The following KCNIP1 variants were observed in gnomAD, a reference collection of about 807,000 sequenced individuals.
KCNIP1 encodes the protein A-type potassium channel modulatory protein KCNIP1.
A neutral mutation model predicts 33.0 loss-of-function variants in KCNIP1; 18 were observed. The ratio of observed to expected loss-of-function variants is 0.55; its 90% CI spans 0.38 to 0.81. The LOEUF is 0.81. KCNIP1 is among the 30% of genes least tolerant of loss of function. The probability of loss-of-function intolerance (pLI) is 0.00; values close to 1 mark genes in which losing one functional copy is unlikely to be tolerated. For missense variants in KCNIP1, 238 were observed against 271.6 expected, an observed-to-expected ratio of 0.88 and a Z score of 0.87; for synonymous variants, 93 against 98.3, an observed-to-expected ratio of 0.95 and a Z score of 0.32.
intron 1 of KCNIP1, among the ~76,000 whole-genome samples, chr5:170,685,153 T>TA (rs1762499582): frequency 6.6e-6 from 1 of 151,960 alleles, no homozygotes; most frequent in Admixed American, 6.6e-5. Flanking sequence ...CCCTAAGACT[T>TA]TTCTGTTTGT....
intron 1 of KCNIP1, among the ~76,000 whole-genome samples, chr5:170,359,655 C>T (rs1763448661): frequency 6.6e-6 from 1 of 152,152 alleles, no homozygotes; most frequent in Admixed American, 6.5e-5. Flanking sequence ...CCTACCTCTC[C>T]AGCCCCAAGC....
At chr5:170,375,758 G>A in intron 1 of KCNIP1, 1 of 152,252 alleles carries the variant, frequency 6.6e-6, no homozygotes, top group East Asian at 1.9e-4. Context: ...GTTTTTCATA[G>A]TAACTTAGAT....
At chr5:170,602,517 T>G (rs1245765432) in intron 1 of KCNIP1, among the ~76,000 whole-genome samples, 1 of 152,224 alleles carries the variant, frequency 6.6e-6, no homozygotes, top group Non-Finnish European at 1.5e-5. Flanking sequence ...CTGCCTGCCG[T>G]GCAGTTTGTG....
At chr5:170,530,915 G>A (rs912927079) in intron 1 of KCNIP1, among the ~76,000 whole-genome samples, 1 of 152,154 alleles carries the variant, frequency 6.6e-6, no homozygotes, top group Non-Finnish European at 1.5e-5. Flanking sequence ...GGTCTTTCCT[G>A]CAGAGGCCTC....
rs1391537185 is a variant in KCNIP1 at position 170,367,396 on chromosome 5, AGAAAGAAAGAAAGAAAGAAAGAAAG to A, written c.88+13450_88+13474del. ...AAGAAAGAAAGAAAGAAAGAAAGAA[AGAAAGAAAGAAAGAAAGAAAGAAAG>A]GAAAGAAAGAAAGAAAGGAAAGAAA... On this transcript the variant is annotated intron_variant, in intron 1 of 7. Transcript: ENST00000377360. 6.2e-3 allele frequency among the ~76,000 whole-genome samples: 799 copies of A among 129,198 alleles called. 25 individuals are homozygous for A. The highest frequency in any genetic ancestry group is 0.013 in the African/African-American group (403 of 32,068). The allele number at this position is 129,198 out of a possible 152,430, so 84.8% of individuals were successfully genotyped here.
chr5:170,456,691 C>CTTTT (rs1756383445), intron 1 of KCNIP1, among the ~76,000 whole-genome samples: 1 of 103,124 alleles, frequency 9.7e-6, no homozygotes, highest in African/African-American at 4.0e-5. Context: ...TTCTTTCTCT[C>CTTTT]TCTCTCTCTT....
In KCNIP1 at chr5:170,552,304, G is replaced by C. The variant is rs115581510; in HGVS notation, c.61+47671G>C. On this transcript the variant is annotated intron_variant, in intron 1 of 7. Coordinates refer to ENST00000328939, the MANE Select transcript of KCNIP1 (RefSeq NM_014592.4). ...ACAGGGCTGGGAGCTGGGGAATAAA[G>C]AGCTGACCCAAACAGCAGAACCAGT... is the stretch of plus-strand genomic sequence containing the variant. Among the ~76,000 whole-genome samples the C allele has an allele frequency of 9.9e-3, 1,502 of 152,298 alleles. 30 individuals are homozygous for C. The highest frequency in any genetic ancestry group is 0.033 in the African/African-American group (1,381 of 41,560).
At position 170,647,392 on chromosome 5, in the gene KCNIP1, A is replaced by G. The variant is rs1409591825; in HGVS notation, c.62-71366A>G. ...TCAAGACTAACTCTAAAGCCATGATAATAAAGACACTGTGGTATGGGTGAA... is the reference window on the plus strand; with the variant it reads ...TCAAGACTAACTCTAAAGCCATGATGATAAAGACACTGTGGTATGGGTGAA... On this transcript the variant is annotated intron_variant, in intron 1 of 7. Coordinates refer to ENST00000328939, the MANE Select transcript of KCNIP1 (RefSeq NM_014592.4). 3.9e-5 allele frequency among the ~76,000 whole-genome samples: 6 copies of G among 152,302 alleles called. No homozygotes were observed. The East Asian group carries it at 1.2e-3, about 29-fold the overall frequency.
rs374135017 is a variant in KCNIP1 at position 170,661,280 on chromosome 5, T to G, written c.62-57478T>G. ...GGGGTCTGTGTGTTCCCCTGTGGTG[T>G]GTGTGGGGACACGTGAGTATGTGTT... On this transcript the variant is annotated intron_variant, in intron 1 of 7. Coordinates refer to ENST00000328939, the MANE Select transcript of KCNIP1 (RefSeq NM_014592.4). Among the ~76,000 whole-genome samples the G allele has an allele frequency of 1.0e-3, 153 of 152,318 alleles. 1 individual carries two copies. The highest frequency in any genetic ancestry group is 3.5e-3 in the African/African-American group (147 of 41,572).
At chr5:170,518,553 C>T (rs1284304598) in intron 1 of KCNIP1, among the ~76,000 whole-genome samples, 1 of 152,180 alleles carries the variant, frequency 6.6e-6, no homozygotes, top group Admixed American at 6.5e-5. Context: ...AGGCTGTTCT[C>T]TTGGATGAAC....
chr5:170,434,991 C>T (rs560845369), intron 1 of KCNIP1, among the ~76,000 whole-genome samples: 9 of 152,274 alleles, frequency 5.9e-5, no homozygotes, highest in Non-Finnish European at 1.2e-4. Context: ...TGGAAGGGAA[C>T]GCCCAGCTCT....
chr5:170,466,096 T>C (rs1214528421), intron 1 of KCNIP1, among the ~76,000 whole-genome samples: 1 of 152,110 alleles, frequency 6.6e-6, no homozygotes, highest in African/African-American at 2.4e-5. Context: ...GAGGCTCAAA[T>C]TGAGAAGAAG....
At chr5:170,727,153 T>C (rs1480597385) in intron 5 of KCNIP1, among the ~76,000 whole-genome samples, 1 of 152,224 alleles carries the variant, frequency 6.6e-6, no homozygotes, top group Non-Finnish European at 1.5e-5. Context: ...CATGCAGCAA[T>C]GTGTATGAAG....
chr5:170,388,294 G>A lies in KCNIP1; in HGVS notation c.88+34330G>A, dbSNP rs1764568722. ...TAAATCCTCCTAAGACCATGCGTGG[G>A]GTTCAGTGTAGATATGACTTCAGCA... On this transcript the variant is annotated intron_variant, in intron 1 of 7. Transcript: ENST00000377360. Among the ~76,000 whole-genome samples, 4 of 152,306 alleles carry A rather than the reference G, an allele frequency of 2.6e-5. No individual in the cohort carries two copies. In the South Asian group the frequency reaches 8.3e-4, roughly 32 times the overall value.
chr5:170,472,392 G>C (rs1756752352), intron 1 of KCNIP1, among the ~76,000 whole-genome samples: 1 of 152,118 alleles, frequency 6.6e-6, no homozygotes, highest in Non-Finnish European at 1.5e-5. Flanking sequence ...GGTGAAATTG[G>C]GGGTCTCTGA....
intron 1 of KCNIP1, among the ~76,000 whole-genome samples, chr5:170,507,258 G>C (rs1400431766): frequency 1.3e-5 from 2 of 152,168 alleles, no homozygotes; most frequent in South Asian, 2.1e-4. Flanking sequence ...CCACTTACTA[G>C]CTGTATGACT....
intron 1 of KCNIP1, among the ~76,000 whole-genome samples, chr5:170,470,173 A>ACTAAATAGTAAAAGAG (rs1756691451): frequency 6.6e-6 from 1 of 151,956 alleles, no homozygotes; most frequent in Admixed American, 6.6e-5. Context: ...TCTGGCCCCC[A>ACTAAATAGTAAAAGAG]CTTTCTCCTT....
At chr5:170,689,194 A>T (rs538955120) in intron 1 of KCNIP1, among the ~76,000 whole-genome samples, 1 of 152,204 alleles carries the variant, frequency 6.6e-6, no homozygotes, top group Non-Finnish European at 1.5e-5. Flanking sequence ...TCATTCGTTC[A>T]TTCATTCACT....
intron 1 of KCNIP1, among the ~76,000 whole-genome samples, chr5:170,659,573 T>G (rs1471042263): frequency 1.3e-5 from 2 of 152,204 alleles, no homozygotes; most frequent in Non-Finnish European, 2.9e-5. Context: ...CCCTTTCTCC[T>G]TCTTTGTATA....
Sources: gnomAD v4.1 joint callset for allele counts (sites outside exome capture counted in the v4.1 genomes callset) on GRCh38, gnomAD v4.1.1 for gene constraint, MANE v1.5 for transcripts, NCBI Gene and HGNC (gene_info 2026-07-23, HGNC 2026-07-21) for gene names.